The following NUP160 variants were observed in gnomAD, a reference collection of about 807,000 sequenced individuals.
NUP160 encodes the protein nuclear pore complex protein Nup160.
NUP160 carries 94 observed loss-of-function variants against 196.9 expected under a neutral mutation model. The ratio of observed to expected loss-of-function variants is 0.48; its 90% CI spans 0.40 to 0.57. The LOEUF is 0.57. NUP160 is among the 20% of genes least tolerant of loss of function. The pLI, the probability that NUP160 is intolerant of heterozygous loss-of-function variation, is 0.00. For synonymous variants in NUP160, 605 were observed against 619.7 expected, an observed-to-expected ratio of 0.98 and a Z score of 0.35; for missense variants, 1,638 against 1,748.3, an observed-to-expected ratio of 0.94 and a Z score of 1.13.
At chr11:47,844,268 A>G (rs2135406373) in intron 2 of NUP160, among the ~76,000 whole-genome samples, 1 of 152,244 alleles carries the variant, frequency 6.6e-6, no homozygotes, top group South Asian at 2.1e-4. Flanking sequence ...ACCACGCTCT[A>G]TTCTCAAGAC....
chr11:47,804,743 C>T (rs2135366180), intron 20 of NUP160, 125 bp from the exon 21 acceptor site: 2 of 600,876 alleles, frequency 3.3e-6, no homozygotes, highest in East Asian at 6.4e-5. Context: ...AGAAGTTGGC[C>T]AACCACATGT....
chr11:47,778,361 A>G (rs1008178337), exon 36 of NUP160: 13 of 152,632 alleles, frequency 8.5e-5, no homozygotes, highest in Non-Finnish European at 1.6e-4. Flanking sequence ...GGTCCAATAC[A>G]TTATGAGACT....
intron 17 of NUP160, among the ~76,000 whole-genome samples, chr11:47,810,489 C>A (rs2097680474): frequency 6.6e-6 from 1 of 151,968 alleles, no homozygotes; most frequent in Non-Finnish European, 1.5e-5. Flanking sequence ...CCACATCTGG[C>A]CTTTTTCTTA....
chr11:47,813,488 T>C, intron 13 of NUP160, 73 bp from the exon 14 acceptor site: 1 of 971,928 alleles, frequency 1.0e-6, no homozygotes, highest in Non-Finnish European at 1.6e-6. Context: ...GAGATGTGCA[T>C]CTTATCATGA....
At chr11:47,848,430 A>T in exon 1 of NUP160, 1 of 1,539,792 alleles carries the variant, frequency 6.5e-7, no homozygotes. Flanking sequence ...TTCCGGGAGC[A>T]GAAAGGCGGC....
intron 20 of NUP160, 101 bp from the exon 21 acceptor site, chr11:47,804,719 C>T: frequency 1.4e-6 from 1 of 737,108 alleles, no homozygotes. Flanking sequence ...GCTTAATTTA[C>T]ATAAACAAGG....
intron 22 of NUP160, among the ~76,000 whole-genome samples, chr11:47,802,962 G>A (rs2097675115): frequency 6.6e-6 from 1 of 151,980 alleles, no homozygotes; most frequent in South Asian, 2.1e-4. Flanking sequence ...CTCCAGTCTG[G>A]GTGACAGAGC....
chr11:47,784,842 C>T, intron 33 of NUP160, 80 bp downstream of exon 33: 1 of 1,098,232 alleles, frequency 9.1e-7, no homozygotes, highest in Non-Finnish European at 1.3e-6. Context: ...GCAATCAGTC[C>T]ATATTTTTAA....
exon 6 of NUP160, chr11:47,836,930 A>G: frequency 2.5e-6 from 4 of 1,613,618 alleles, no homozygotes; most frequent in Non-Finnish European, 3.4e-6. Flanking sequence ...ACACAAAGCA[A>G]AGATGAAGGC....
intron 29 of NUP160, among the ~76,000 whole-genome samples, chr11:47,789,751 C>T (rs1205807720): frequency 6.6e-6 from 1 of 151,790 alleles, no homozygotes; most frequent in Non-Finnish European, 1.5e-5. Flanking sequence ...AATATAACTA[C>T]TGTCTAAATT....
At chr11:47,841,106 T>C (rs1852288063) in intron 2 of NUP160, among the ~76,000 whole-genome samples, 1 of 152,206 alleles carries the variant, frequency 6.6e-6, no homozygotes, top group Non-Finnish European at 1.5e-5. Flanking sequence ...AATATAAAAA[T>C]ACCTTCGCAA....
rs568108734 is a variant in NUP160 at position 47,808,269 on chromosome 11, C to A, written c.2375+127G>T. On this transcript the variant is annotated intron_variant, in intron 18 of 35. Coordinates refer to ENST00000378460, the Ensembl canonical transcript of NUP160. ...GCACTCCGGCCTGGGTGAGAGAGAG[C>A]GAGACTCTGTCTCAAAACAAAAACA... 9 of 823,282 alleles carry A rather than the reference C, an allele frequency of 1.1e-5. No homozygotes were observed. The South Asian group carries it at 1.6e-4, about 15-fold the overall frequency. The allele number at this position is 823,282 out of a possible 1,614,324, so 51.0% of individuals were successfully genotyped here.
At chr11:47,831,516 G>A (rs191743093) in intron 7 of NUP160, among the ~76,000 whole-genome samples, 1 of 151,990 alleles carries the variant, frequency 6.6e-6, no homozygotes, top group Non-Finnish European at 1.5e-5. Flanking sequence ...AACCACCTTC[G>A]CAAAAATCAT....
rs755981755 is a variant in NUP160 at position 47,792,954 on chromosome 11, G to A, written c.3290-8C>T. The A allele has an allele frequency of 1.9e-6, 3 of 1,602,754 alleles. No homozygotes were observed. The highest frequency in any genetic ancestry group is 1.8e-5 in the Admixed American group (1 of 56,224). ...CAAACATCACTGTGCCAGCTATGAG[G>A]AGATAATAAATTAGACTTTAGAACT... On this transcript the variant is annotated splice_polypyrimidine_tract_variant and splice_region_variant and intron_variant, in intron 27 of 35. Transcript: ENST00000378460.
At chr11:47,813,727 G>T (rs559805521) in intron 13 of NUP160, among the ~76,000 whole-genome samples, 2 of 151,978 alleles carry the variant, frequency 1.3e-5, no homozygotes, top group East Asian at 3.8e-4. Flanking sequence ...TAGGGAGGCT[G>T]GGGTGGGAGG....
At position 47,788,272 on chromosome 11, in the gene NUP160, AAG is replaced by A. The variant is rs759962381; in HGVS notation, c.3654_3655del (p.Leu1219GlyfsTer7). The A allele has an allele frequency of 6.2e-7, 1 of 1,614,134 alleles. No homozygotes were observed. The highest frequency in any genetic ancestry group is 1.1e-5 in the South Asian group (1 of 91,082). On this transcript the variant is annotated frameshift_variant, in exon 31 of 36. Coordinates refer to ENST00000378460, the Ensembl canonical transcript of NUP160. LOFTEE classifies it high-confidence loss of function. ...AGTGTCAAAGAGGCCCGCCTGAACC[AAG>A]AGAGTGACCATTTCCTCTGCTGATG...
At chr11:47,801,687 T>A (rs1422251918) in intron 23 of NUP160, 124 bp downstream of exon 23, 9 of 928,524 alleles carry the variant, frequency 9.7e-6, no homozygotes, top group African/African-American at 3.4e-5. Context: ...TCATTTTTTT[T>A]AAATTTGGAA....
intron 13 of NUP160, among the ~76,000 whole-genome samples, chr11:47,814,778 A>C (rs142254692): frequency 6.6e-6 from 1 of 152,214 alleles, no homozygotes; most frequent in Non-Finnish European, 1.5e-5. Context: ...AAGGAGCATG[A>C]TATCTACAAC....
At chr11:47,810,522 T>C (rs1361586772) in intron 17 of NUP160, among the ~76,000 whole-genome samples, 3 of 151,660 alleles carry the variant, frequency 2.0e-5, no homozygotes, top group Non-Finnish European at 4.4e-5. Flanking sequence ...ATTCTACCAT[T>C]AGCGATGTAT....
Sources: allele counts gnomAD v4.1 joint callset (sites outside exome capture counted in the v4.1 genomes callset), GRCh38; gene constraint gnomAD v4.1.1; transcripts MANE v1.5; gene names NCBI Gene and HGNC (gene_info 2026-07-23, HGNC 2026-07-21).